The following SLC26A5 variants were observed in gnomAD, a reference collection of about 807,000 sequenced individuals.
SLC26A5 encodes the protein solute carrier family 26 member 5.
In SLC26A5, 51 loss-of-function variants were observed where a neutral mutation model predicts 81.0. That is an observed-to-expected ratio of 0.63 (90% CI 0.50 to 0.80). The LOEUF (loss-of-function observed/expected upper bound fraction) is 0.80. Ranked by LOEUF, SLC26A5 falls within the 30% of genes least tolerant of loss-of-function variation. The probability of loss-of-function intolerance (pLI) is 0.00; values close to 1 mark genes in which losing one functional copy is unlikely to be tolerated. For synonymous variants in SLC26A5, 325 were observed against 332.8 expected (o/e 0.98, Z 0.25); for missense variants, 771 against 905.8 (o/e 0.85, Z 1.91).
intron 19 of SLC26A5, chr7:103,361,877 C>CT (rs1329847370): frequency 3.6e-6 from 5 of 1,385,390 alleles, no homozygotes; most frequent in African/African-American, 1.5e-5. Context: ...ATATTGCACA[C>CT]TCAGGATATA....
In SLC26A5 at chr7:103,390,496, C is replaced by A. The variant is rs139393039; in HGVS notation, c.1244G>T (p.Cys415Phe). Residue 415 changes from cysteine to phenylalanine, a missense_variant, in exon 12 of 20, where the codon TGT becomes TTT. By Grantham distance (205) the Cys-to-Phe change is radical. Transcript: ENST00000306312. ...CAGCAGAATCATTAATGAGGCCAAA[C>A]AACCTGCAAGCTGAATGAGAGAAGA... ...GTGGKTQLAG[C>F]LASLMILLVI... 1.9e-5 allele frequency: 30 copies of A among 1,613,982 alleles called. No individual in the cohort carries two copies. In the East Asian group the frequency reaches 4.5e-4, roughly 24 times the overall value.
At chr7:103,400,359 T>C (rs973425215) in intron 8 of SLC26A5, among the ~76,000 whole-genome samples, 1 of 152,258 alleles carries the variant, frequency 6.6e-6, no homozygotes, top group Non-Finnish European at 1.5e-5. Context: ...GTTGGCTGCA[T>C]AAACGTCTTC....
At chr7:103,363,277 C>A in intron 19 of SLC26A5, 1 of 1,274,930 alleles carries the variant, frequency 7.8e-7, no homozygotes, top group Non-Finnish European at 1.1e-6. Flanking sequence ...TAGGTCTATT[C>A]TATTGAATTT....
intron 8 of SLC26A5, among the ~76,000 whole-genome samples, chr7:103,405,389 A>G (rs1823962089): frequency 6.6e-6 from 1 of 151,930 alleles, no homozygotes; most frequent in Non-Finnish European, 1.5e-5. Context: ...CTTTCTGTTG[A>G]TGTTGATGCT....
intron 9 of SLC26A5, among the ~76,000 whole-genome samples, chr7:103,395,119 G>A (rs972804094): frequency 1.3e-5 from 2 of 152,132 alleles, no homozygotes; most frequent in African/African-American, 4.8e-5. Flanking sequence ...CCACCCAACT[G>A]AGCCTAACCT....
In SLC26A5 at chr7:103,389,331, G is replaced by A. The variant is rs891749409; in HGVS notation, c.1405C>T (p.Leu469=). The A allele has an allele frequency of 5.6e-6, 9 of 1,605,616 alleles. No individual in the cohort carries two copies. In the Admixed American group the frequency reaches 1.2e-4, roughly 21 times the overall value. Residue 469 remains leucine, a splice_region_variant and synonymous_variant, in exon 13 of 20, where the codon CTG becomes TTG. Transcript: ENST00000306312. ...GAGCCATCACCTTTGTTACTTACCA[G>A]CTCTATTTTGCTGGTTCTCCAGAAA... is the stretch of plus-strand genomic sequence containing the variant. ...PFFWRTSKIE[L]TIWLTTFVSS...
At chr7:103,434,689 T>C (rs961514694) in intron 2 of SLC26A5, among the ~76,000 whole-genome samples, 1 of 152,106 alleles carries the variant, frequency 6.6e-6, no homozygotes, top group Non-Finnish European at 1.5e-5. Context: ...TCTCACTCTA[T>C]TGCCCAGGCT....
intron 19 of SLC26A5, chr7:103,364,142 G>A: frequency 6.2e-7 from 1 of 1,613,446 alleles, no homozygotes; most frequent in Non-Finnish European, 8.5e-7. Flanking sequence ...CTCTATCACA[G>A]CCAGAGAGGT....
chr7:103,420,939 A>C, intron 3 of SLC26A5, 62 bp from the exon 4 acceptor site: 3 of 1,534,700 alleles, frequency 2.0e-6, no homozygotes, highest in Non-Finnish European at 2.7e-6. Flanking sequence ...GTAGAATTCA[A>C]ACCAAAGCAT....
intron 14 of SLC26A5, among the ~76,000 whole-genome samples, chr7:103,384,029 G>A (rs1340143997): frequency 6.6e-6 from 1 of 152,088 alleles, no homozygotes; most frequent in Admixed American, 6.6e-5. Context: ...ATCATGGGAG[G>A]CTGAGGTGGG....
At chr7:103,382,408 G>A (rs1821874747) in intron 14 of SLC26A5, among the ~76,000 whole-genome samples, 1 of 130,886 alleles carries the variant, frequency 7.6e-6, no homozygotes, top group African/African-American at 3.0e-5. Context: ...GGAGTGCAAT[G>A]GTGCAATCTT....
At chr7:103,368,072 G>C in intron 19 of SLC26A5, 2 of 1,583,496 alleles carry the variant, frequency 1.3e-6, no homozygotes, top group Non-Finnish European at 1.7e-6. Context: ...AGGCTTTCAA[G>C]TGAAAACTTT....
intron 11 of SLC26A5, 43 bp from the exon 12 acceptor site, chr7:103,390,549 G>A: frequency 1.3e-6 from 2 of 1,496,160 alleles, no homozygotes; most frequent in South Asian, 2.3e-5. Context: ...TAGGAGACTT[G>A]AATAAGAGGC....
chr7:103,377,086 A>G (rs1821408106), intron 18 of SLC26A5, among the ~76,000 whole-genome samples: 2 of 152,218 alleles, frequency 1.3e-5, no homozygotes, highest in African/African-American at 2.4e-5. Flanking sequence ...ATACTGTTAA[A>G]TCTTACTTAA....
chr7:103,389,541 T>C, intron 12 of SLC26A5, 117 bp from the exon 13 acceptor site: 2 of 754,884 alleles, frequency 2.6e-6, no homozygotes, highest in Non-Finnish European at 4.8e-6. Context: ...ACTTCCTATA[T>C]GGCACCGATG....
In SLC26A5 at chr7:103,390,438, T is replaced by C. The variant is rs72655380; in HGVS notation, c.1302A>G (p.Ser434=). ...TCCACATTACACACACCTGGGGCAA[T>C]GATTCAAAGAGGAATCCAGTTGCTA... ...VILATGFLFE[S]LPQAVLSAIV... Residue 434 remains serine, a synonymous_variant, in exon 12 of 20, where the codon TCA becomes TCG. Coordinates refer to ENST00000306312, the MANE Select transcript of SLC26A5 (RefSeq NM_198999.3). 7.6e-4 allele frequency: 1,223 copies of C among 1,614,102 alleles called. 9 individuals are homozygous for C. The East Asian group carries it at 0.014, about 19-fold the overall frequency.
intron 19 of SLC26A5, among the ~76,000 whole-genome samples, chr7:103,354,152 C>G (rs1274459288): frequency 3.3e-5 from 5 of 152,086 alleles, no homozygotes; most frequent in Non-Finnish European, 7.4e-5. Flanking sequence ...AATGAAGTTA[C>G]CTACCTAAAG....
intron 19 of SLC26A5, chr7:103,368,099 C>G (rs373655880): frequency 1.2e-4 from 183 of 1,503,776 alleles, no homozygotes; most frequent in Non-Finnish European, 1.6e-4. Context: ...GAATCCTAAC[C>G]TTATATAGAC....
At chr7:103,441,634 C>T (rs967520854) in intron 2 of SLC26A5, among the ~76,000 whole-genome samples, 6 of 152,252 alleles carry the variant, frequency 3.9e-5, no homozygotes, top group Non-Finnish European at 7.3e-5. Flanking sequence ...CTCAACAAGT[C>T]ACAGATCACT....
Sources: allele counts gnomAD v4.1 joint callset (sites outside exome capture counted in the v4.1 genomes callset), GRCh38; gene constraint gnomAD v4.1.1; transcripts MANE v1.5; gene names NCBI Gene and HGNC (gene_info 2026-07-23, HGNC 2026-07-21).